The following PIK3CD variants were observed in gnomAD, a reference collection of about 807,000 sequenced individuals.
PIK3CD encodes phosphatidylinositol-4,5-bisphosphate 3-kinase catalytic subunit delta.
Under a neutral mutation model 122.9 loss-of-function variants are expected in PIK3CD, and 20 were observed. The observed-to-expected ratio is 0.16, with a 90% confidence interval of 0.11 to 0.24. PIK3CD has a LOEUF of 0.24. Among genes scored for constraint, PIK3CD ranks in the 10% least tolerant of loss-of-function variants. PIK3CD has a pLI of 1.00. For synonymous variants in PIK3CD, 596 were observed against 593.4 expected, an observed-to-expected ratio of 1.00 and a Z score of -0.06; for missense variants, 787 against 1,406.3, an observed-to-expected ratio of 0.56 and a Z score of 7.04.
intron 1 of PIK3CD, among the ~76,000 whole-genome samples, chr1:9,667,463 G>A (rs1028789343): frequency 7.9e-5 from 12 of 150,960 alleles, no homozygotes; most frequent in Non-Finnish European, 1.6e-4. Flanking sequence ...TGCAAGCTCC[G>A]CCTCCCGGGT....
At chr1:9,672,005 T>A (rs934525548) in intron 1 of PIK3CD, among the ~76,000 whole-genome samples, 2 of 152,132 alleles carry the variant, frequency 1.3e-5, no homozygotes, top group Non-Finnish European at 2.9e-5. Context: ...GGAGCCCTTG[T>A]GCTGCGGGTT....
At chr1:9,680,207 G>C (rs566943204) in intron 1 of PIK3CD, among the ~76,000 whole-genome samples, 2 of 150,110 alleles carry the variant, frequency 1.3e-5, no homozygotes, top group Non-Finnish European at 2.9e-5. Context: ...AACTCTTGGT[G>C]TCAAGTGATC....
intron 1 of PIK3CD, among the ~76,000 whole-genome samples, chr1:9,673,901 T>C (rs910604405): frequency 2.0e-5 from 3 of 152,326 alleles, no homozygotes; most frequent in African/African-American, 7.2e-5. Context: ...TTACATTATA[T>C]GATTACACAG....
chr1:9,637,569 C>T, the PIK3CD span, among the ~76,000 whole-genome samples: 1 of 151,756 alleles, frequency 6.6e-6, no homozygotes, highest in Admixed American at 6.6e-5. Context: ...TTCAGGTGGT[C>T]AGAAGTCTGA....
chr1:9,662,130 A>C (rs985017398), intron 1 of PIK3CD, among the ~76,000 whole-genome samples: 1 of 152,006 alleles, frequency 6.6e-6, no homozygotes, highest in Admixed American at 6.6e-5. Context: ...ATGCCACTGC[A>C]CTCCAACCTG....
At position 9,719,872 on chromosome 1, in the gene PIK3CD, G is replaced by T. The variant is rs748750452; in HGVS notation, c.1243-49G>T. The stretch of plus-strand genomic sequence containing the variant: ...GCCTGGGGGAGGGCAGGGAAGCTGG[G>T]TCTGGAGGCCCCTGAGTGGCTGTCC... On this transcript the variant is annotated intron_variant, in intron 9 of 23. Transcript: ENST00000377346. This position sits in a 1 kb window ranked among gnomAD's most constrained non-coding sequence, Gnocchi z 5.5. 2 of 1,494,572 alleles carry T rather than the reference G, an allele frequency of 1.3e-6. No homozygotes were observed. The highest frequency in any genetic ancestry group is 1.9e-6 in the Non-Finnish European group (2 of 1,071,842). The allele number at this position is 1,494,572 out of a possible 1,614,324, so 92.6% of individuals were successfully genotyped here. A position where few individuals can be genotyped will look rare whatever the true frequency, so the allele number is the denominator to read the frequency against.
At position 9,724,431 on chromosome 1, in the gene PIK3CD, C is replaced by A; in HGVS notation, c.2864+10C>A. On this transcript the variant is annotated intron_variant, in intron 22 of 23. Coordinates refer to ENST00000377346, the MANE Select transcript of PIK3CD (RefSeq NM_005026.5). This position sits in a 1 kb window ranked among gnomAD's most constrained non-coding sequence, Gnocchi z 7.3. ...GTGAGAAATTTGAACGGTGAGAGTG[C>A]CTGAGCCCCACCAGATGCCCCTCGG... 4 of 1,613,938 alleles carry A rather than the reference C, an allele frequency of 2.5e-6. No homozygotes were observed. Among genetic ancestry groups the A allele is most frequent in the Non-Finnish European group, 2.5e-6 (3 of 1,180,000 alleles).
chr1:9,679,984 C>T (rs1018703068), intron 1 of PIK3CD, among the ~76,000 whole-genome samples: 4 of 152,080 alleles, frequency 2.6e-5, no homozygotes, highest in Non-Finnish European at 5.9e-5. Flanking sequence ...ACCACCACAC[C>T]GGGCTACTTT....
chr1:9,706,716 A>G (rs1297107012), intron 2 of PIK3CD, among the ~76,000 whole-genome samples: 1 of 152,086 alleles, frequency 6.6e-6, no homozygotes, highest in Non-Finnish European at 1.5e-5. Flanking sequence ...TAAAATGACT[A>G]TCTTGTGGCT....
chr1:9,653,611 CT>C (rs1173000806), intron 1 of PIK3CD: 1 of 409,130 alleles, frequency 2.4e-6, no homozygotes, highest in East Asian at 5.9e-5. Flanking sequence ...CCCGCTGCTG[CT>C]GTTCACACCC....
At chr1:9,639,035 G>A in the PIK3CD span, among the ~76,000 whole-genome samples, 13 of 151,970 alleles carry the variant, frequency 8.6e-5, no homozygotes, top group South Asian at 4.1e-4. Context: ...CCAAAATGTC[G>A]GGATTACACG....
upstream of PIK3CD, among the ~76,000 whole-genome samples, chr1:9,649,630 G>T (rs1644638099): frequency 6.6e-6 from 1 of 152,150 alleles, no homozygotes; most frequent in Non-Finnish European, 1.5e-5. Flanking sequence ...CCTTCTCTAA[G>T]CCTCAGATCC....
rs1646997953 is a variant in PIK3CD, at chr1:9,710,338, G to A, written c.-32-86G>A. ...ACTCCTGAGCTTCCTGCTGTCCAAGGACCCCACTGTTTTCCAGGGAGTCCC... is the reference window on the plus strand; with the variant it reads ...ACTCCTGAGCTTCCTGCTGTCCAAGAACCCCACTGTTTTCCAGGGAGTCCC... On this transcript the variant is annotated intron_variant, in intron 2 of 23. Coordinates refer to ENST00000377346, the MANE Select transcript of PIK3CD (RefSeq NM_005026.5). The surrounding 1 kb of genome is among the most constrained non-coding windows in gnomAD (Gnocchi z 4.7). The A allele has an allele frequency of 1.8e-6, 2 of 1,088,220 alleles. No homozygotes were observed. Among genetic ancestry groups the A allele is most frequent in the South Asian group, 2.5e-5 (2 of 80,076 alleles). 67.4% of individuals were successfully genotyped at this position (1,088,220 alleles called of 1,614,324 possible). A position where few individuals can be genotyped will look rare whatever the true frequency, so the allele number is the denominator to read the frequency against.
At chr1:9,695,975 C>CTT (rs577549219) in intron 2 of PIK3CD, among the ~76,000 whole-genome samples, 1,458 of 143,788 alleles carry the variant, frequency 0.01, 19 homozygotes, top group African/African-American at 0.031. Context: ...ACATTAAAGA[C>CTT]TTTTTTTTTT....
intron 23 of PIK3CD, 42 bp from the exon 24 acceptor site, chr1:9,726,867 C>T: frequency 1.2e-6 from 2 of 1,613,078 alleles, no homozygotes; most frequent in Middle Eastern, 1.7e-4. Flanking sequence ...AGAGCAAGGT[C>T]CGGGCCCCCT....
chr1:9,645,030 T>TTTTC, the PIK3CD span, among the ~76,000 whole-genome samples: 56 of 101,484 alleles, frequency 5.5e-4, no homozygotes, highest in African/African-American at 2.4e-3. Context: ...CTTTTCTTTT[T>TTTTC]TTTTTTTTTT....
At chr1:9,646,136 C>G in the PIK3CD span, among the ~76,000 whole-genome samples, 2 of 152,138 alleles carry the variant, frequency 1.3e-5, no homozygotes, top group East Asian at 3.9e-4. Flanking sequence ...TAGCAAGGAT[C>G]TGGAAGAAGT....
At chr1:9,707,856 C>T (rs983825529) in intron 2 of PIK3CD, among the ~76,000 whole-genome samples, 7 of 150,762 alleles carry the variant, frequency 4.6e-5, no homozygotes, top group South Asian at 2.1e-4. Flanking sequence ...TACAGTGGCG[C>T]GATCTCGGCT....
rs377383239 is a variant in PIK3CD, at chr1:9,727,079, C to A, written c.*33C>A. ...TCCCAGCCCTGGGCCCAAGAGGAGG[C>A]GGCTGCGGGTCGTGGGGACCAAGCA... On this transcript the variant is annotated 3_prime_UTR_variant, in exon 24 of 24. Transcript: ENST00000377346. 74 of 1,613,466 alleles carry A rather than the reference C, an allele frequency of 4.6e-5. No homozygotes were observed. In the African/African-American group the frequency reaches 9.5e-4, roughly 21 times the overall value.
Sources: allele counts gnomAD v4.1 joint callset (sites outside exome capture counted in the v4.1 genomes callset), GRCh38; gene constraint gnomAD v4.1.1; non-coding constraint Gnocchi (gnomAD v3.1); transcripts MANE v1.5; gene names NCBI Gene and HGNC (gene_info 2026-07-23, HGNC 2026-07-21).